UGT1A8: variants seen among roughly 807,000 people sequenced by gnomAD.
The protein encoded by UGT1A8 is UDP-glucuronosyltransferase 1A8.
A neutral mutation model predicts 45.3 loss-of-function variants in UGT1A8; 39 were observed. That is an observed-to-expected ratio of 0.86 (90% CI 0.67 to 1.12). UGT1A8 has a LOEUF of 1.12. UGT1A8 is among the 50% of genes most tolerant of loss of function. The probability of loss-of-function intolerance (pLI) is 0.00; values close to 1 mark genes in which losing one functional copy is unlikely to be tolerated. For synonymous variants in UGT1A8, 275 were observed against 249.2 expected (o/e 1.10, Z -0.97); for missense variants, 719 against 664.9 (o/e 1.08, Z -0.90).
chr2:233,759,815 C>T (rs1383098545), intron 1 of UGT1A8, among the ~76,000 whole-genome samples: 3 of 152,074 alleles, frequency 2.0e-5, no homozygotes, highest in Non-Finnish European at 4.4e-5. Flanking sequence ...CAGGCAGTAC[C>T]GGGGGAGCTG....
chr2:233,716,677 G>A (rs2076519558), intron 1 of UGT1A8, among the ~76,000 whole-genome samples: 1 of 152,156 alleles, frequency 6.6e-6, no homozygotes, highest in African/African-American at 2.4e-5. Context: ...TTTACCCCAA[G>A]ATATAGTTTC....
In UGT1A8 at chr2:233,636,797, T is replaced by A. The variant is rs28969680; in HGVS notation, c.855+18235T>A. 4.3e-6 allele frequency: 7 copies of A among 1,614,200 alleles called. 1 individual carries two copies. The East Asian group carries it at 1.1e-4, about 26-fold the overall frequency. On this transcript the variant is annotated intron_variant, in intron 1 of 4. Coordinates refer to ENST00000373450, the MANE Select transcript of UGT1A8 (RefSeq NM_019076.5). ...GAAGATCAGAACCGGGAATTCATGG[T>A]TTTCGCCCATGCTCAATGGAAAGCA...
chr2:233,718,971 C>T (rs1342997030), intron 1 of UGT1A8: 5 of 1,614,090 alleles, frequency 3.1e-6, no homozygotes, highest in Middle Eastern at 1.6e-4. Context: ...CTTGCGGGAG[C>T]TCCATGCCAG....
chr2:233,624,425 G>A (rs1327743912), intron 1 of UGT1A8, among the ~76,000 whole-genome samples: 2 of 152,030 alleles, frequency 1.3e-5, no homozygotes, highest in Non-Finnish European at 1.5e-5. Flanking sequence ...AGGAAGATGC[G>A]GAGGTCTTTT....
At chr2:233,684,306 G>A (rs371001032) in intron 1 of UGT1A8, among the ~76,000 whole-genome samples, 7 of 152,274 alleles carry the variant, frequency 4.6e-5, no homozygotes, top group South Asian at 2.1e-4. Flanking sequence ...AAGACCAGGC[G>A]AGGAGATGCA....
intron 1 of UGT1A8, among the ~76,000 whole-genome samples, chr2:233,757,535 A>AATATATATACATATAC (rs376887521): frequency 1.6e-3 from 143 of 88,240 alleles, no homozygotes; most frequent in Middle Eastern, 5.7e-3. Flanking sequence ...GCCTGTAAGG[A>AATATATATACATATAC]ATATATATAT....
chr2:233,741,106 A>T (rs1691567607), intron 1 of UGT1A8, among the ~76,000 whole-genome samples: 2 of 151,792 alleles, frequency 1.3e-5, no homozygotes. Context: ...CAGACAATCA[A>T]GCTTTACACT....
In UGT1A8 at chr2:233,773,045, T is replaced by C. The variant is rs1700563904; in HGVS notation, c.*486T>C. ...GTGTGTTTAAAGAAGGGAAGCTTTG[T>C]ACCTTTAGAGTGTAGGTGAAATGAA... On this transcript the variant is annotated 3_prime_UTR_variant, in exon 5 of 5. Transcript: ENST00000373450. 1 of 194,454 alleles carries C rather than the reference T, an allele frequency of 5.1e-6. No homozygotes were observed. Among genetic ancestry groups the C allele is most frequent in the Non-Finnish European group, 1.1e-5 (1 of 92,946 alleles). The allele number at this position is 194,454 out of a possible 1,614,324, so 12.0% of individuals were successfully genotyped here.
chr2:233,734,221 A>G (rs1167860302), intron 1 of UGT1A8, among the ~76,000 whole-genome samples: 2 of 152,172 alleles, frequency 1.3e-5, no homozygotes, highest in Non-Finnish European at 2.9e-5. Flanking sequence ...TGGTCTATTC[A>G]GAGATTCAAC....
chr2:233,668,057 A>AC (rs2074112855), intron 1 of UGT1A8, among the ~76,000 whole-genome samples: 2 of 99,794 alleles, frequency 2.0e-5, no homozygotes, highest in African/African-American at 1.1e-4. Flanking sequence ...TTTACTGTGC[A>AC]CATTTTTTTT....
At chr2:233,749,482 T>C (rs1349900601) in intron 1 of UGT1A8, among the ~76,000 whole-genome samples, 2 of 151,916 alleles carry the variant, frequency 1.3e-5, no homozygotes, top group Non-Finnish European at 2.9e-5. Flanking sequence ...CAGATCACTC[T>C]TGCTATGCCC....
intron 1 of UGT1A8, among the ~76,000 whole-genome samples, chr2:233,632,076 A>G (rs1189263927): frequency 2.0e-5 from 3 of 152,194 alleles, no homozygotes; most frequent in Non-Finnish European, 2.9e-5. Context: ...TCCCAACACC[A>G]TTTATTACAT....
At chr2:233,761,315 C>T (rs1196056744) in intron 1 of UGT1A8, among the ~76,000 whole-genome samples, 1 of 152,360 alleles carries the variant, frequency 6.6e-6, no homozygotes, top group East Asian at 1.9e-4. Flanking sequence ...TCTTTGGCAT[C>T]ATCTTCTGGA....
At chr2:233,755,363 G>T (rs907026349) in intron 1 of UGT1A8, 4 of 363,278 alleles carry the variant, frequency 1.1e-5, no homozygotes. Flanking sequence ...GACCTGGGCC[G>T]CCTGGAGGGC....
intron 1 of UGT1A8, among the ~76,000 whole-genome samples, chr2:233,749,087 T>C (rs1694105720): frequency 1.3e-5 from 2 of 151,858 alleles, no homozygotes; most frequent in African/African-American, 2.4e-5. Context: ...GTGTGCCATG[T>C]ATTTCATGAG....
chr2:233,693,864 A>C (rs757830710), intron 1 of UGT1A8: 1 of 1,614,148 alleles, frequency 6.2e-7, no homozygotes, highest in South Asian at 1.1e-5. Flanking sequence ...GACTTGTCTC[A>C]GGTTGGTGGG....
Position 233,637,161 on chromosome 2 carries a change from C to A in UGT1A8, c.855+18599C>A, listed in dbSNP as rs750021074. ...AGAGAGTATGGAACCACATCGTGCA[C>A]TTGGAGGACCATTTATTTTGCCAGT... is the stretch of plus-strand genomic sequence containing the variant. On this transcript the variant is annotated intron_variant, in intron 1 of 4. Coordinates refer to ENST00000373450, the MANE Select transcript of UGT1A8 (RefSeq NM_019076.5). The A allele has an allele frequency of 2.5e-6, 4 of 1,613,958 alleles. No individual in the cohort carries two copies. The East Asian group carries it at 6.7e-5, about 27-fold the overall frequency.
At chr2:233,727,382 C>T (rs1283832828) in intron 1 of UGT1A8, among the ~76,000 whole-genome samples, 4 of 152,134 alleles carry the variant, frequency 2.6e-5, no homozygotes, top group African/African-American at 7.2e-5. Context: ...TCTGGAGTAC[C>T]ACCGTCTTCC....
chr2:233,709,732 ATAC>A (rs1331769272), intron 1 of UGT1A8, among the ~76,000 whole-genome samples: 2 of 152,330 alleles, frequency 1.3e-5, no homozygotes, highest in East Asian at 1.9e-4. Flanking sequence ...TTTTCAATTG[ATAC>A]TACTAAAATA....
Sources: allele counts gnomAD v4.1 joint callset (sites outside exome capture counted in the v4.1 genomes callset), GRCh38; gene constraint gnomAD v4.1.1; transcripts MANE v1.5; gene names NCBI Gene and HGNC (gene_info 2026-07-23, HGNC 2026-07-21).